The following TBC1D22A variants were observed in gnomAD, a reference collection of about 807,000 sequenced individuals.
The protein encoded by TBC1D22A is TBC1 domain family member 22A.
TBC1D22A carries 38 observed loss-of-function variants against 60.2 expected under a neutral mutation model. That is an observed-to-expected ratio of 0.63 (90% confidence interval 0.49 to 0.83). The LOEUF (loss-of-function observed/expected upper bound fraction) is 0.83, where lower values mean the gene tolerates loss of function less well. Among genes scored for constraint, TBC1D22A ranks in the 40% least tolerant of loss-of-function variants. The probability of loss-of-function intolerance (pLI) is 0.00; values close to 1 mark genes in which losing one functional copy is unlikely to be tolerated. For synonymous variants in TBC1D22A, 302 were observed against 281.7 expected (o/e 1.07, Z -0.72); for missense variants, 628 against 701.0 (o/e 0.90, Z 1.18).
At chr22:46,935,323 A>G (rs1211693746) in intron 8 of TBC1D22A, among the ~76,000 whole-genome samples, 1 of 152,220 alleles carries the variant, frequency 6.6e-6, no homozygotes, top group Non-Finnish European at 1.5e-5. Context: ...TCTAAGTGAT[A>G]TCCTGGAGTA....
At chr22:46,770,522 A>G (rs569523306) in intron 1 of TBC1D22A, among the ~76,000 whole-genome samples, 131 of 152,368 alleles carry the variant, frequency 8.6e-4, no homozygotes, top group Non-Finnish European at 1.1e-3. Flanking sequence ...AGGGAATGGC[A>G]GGTGGCCCAG....
At chr22:46,985,030 CGCCATGAGTTCAGGAGCCTCT>C (rs1366500532) in intron 9 of TBC1D22A, among the ~76,000 whole-genome samples, 37 of 152,178 alleles carry the variant, frequency 2.4e-4, no homozygotes, top group African/African-American at 8.4e-4. Context: ...GGGGAGCCTC[CGCCATGAGTTCAGGAGCCTCT>C]GCCATGAGCT....
intron 8 of TBC1D22A, among the ~76,000 whole-genome samples, chr22:46,930,305 GTGTTATA>G (rs1439297682): frequency 5.3e-5 from 8 of 152,288 alleles, no homozygotes; most frequent in African/African-American, 1.7e-4. Flanking sequence ...TCCAGGCCAA[GTGTTATA>G]TGTGTGTGGT....
chr22:47,080,062 G>A (rs1284953685), intron 11 of TBC1D22A, among the ~76,000 whole-genome samples: 3 of 152,128 alleles, frequency 2.0e-5, no homozygotes, highest in Admixed American at 1.3e-4. Context: ...AATGATAAAA[G>A]ATCTGTTAAC....
Position 46,985,345 on chromosome 22 carries a change from G to T in TBC1D22A, c.1125+10946G>T, listed in dbSNP as rs186402094. ...ACCTGCCCCAGATGCCGGCTCAACT[G>T]TGCCCCTGTGGGGAAGAATCTCAGA... is the stretch of plus-strand genomic sequence containing the variant. On this transcript the variant is annotated intron_variant, in intron 9 of 12. Transcript: ENST00000337137. 2.7e-3 allele frequency among the ~76,000 whole-genome samples: 418 copies of T among 152,274 alleles called. 1 individual carries two copies. Among genetic ancestry groups the T allele is most frequent in the African/African-American group, 9.4e-3 (391 of 41,548 alleles).
intron 8 of TBC1D22A, among the ~76,000 whole-genome samples, chr22:46,927,270 T>C (rs2071102056): frequency 1.3e-5 from 2 of 152,234 alleles, no homozygotes; most frequent in Non-Finnish European, 2.9e-5. Flanking sequence ...AAGTGGAATT[T>C]ATTTGAGGAA....
intron 12 of TBC1D22A, among the ~76,000 whole-genome samples, chr22:47,152,708 C>T (rs764008028): frequency 1.3e-4 from 20 of 152,234 alleles, no homozygotes; most frequent in Admixed American, 1.1e-3. Flanking sequence ...ATTTAACTCT[C>T]GTGATGAGAA....
At chr22:47,099,750 C>G (rs2065334978) in intron 11 of TBC1D22A, among the ~76,000 whole-genome samples, 1 of 152,164 alleles carries the variant, frequency 6.6e-6, no homozygotes, top group African/African-American at 2.4e-5. Flanking sequence ...TGGCCTCGTC[C>G]CTGCTTTCTA....
At chr22:47,036,950 G>A in intron 10 of TBC1D22A, 121 bp from the exon 11 acceptor site, 1 of 1,176,996 alleles carries the variant, frequency 8.5e-7, no homozygotes, top group Non-Finnish European at 1.2e-6. Flanking sequence ...TGTTGCTTGG[G>A]ATTCCCTGTT....
intron 1 of TBC1D22A, among the ~76,000 whole-genome samples, chr22:46,771,022 C>G (rs2083463179): frequency 6.6e-6 from 1 of 152,160 alleles, no homozygotes; most frequent in African/African-American, 2.4e-5. Flanking sequence ...TCAGCGGTTA[C>G]TTTCCATGTT....
chr22:46,847,764 TG>T (rs2087069206), intron 4 of TBC1D22A, among the ~76,000 whole-genome samples: 1 of 152,214 alleles, frequency 6.6e-6, no homozygotes, highest in Non-Finnish European at 1.5e-5. Context: ...CCTCTGTGTT[TG>T]GAGAGGAGTG....
intron 1 of TBC1D22A, among the ~76,000 whole-genome samples, chr22:46,770,108 A>G (rs950339954): frequency 6.6e-6 from 1 of 152,214 alleles, no homozygotes; most frequent in South Asian, 2.1e-4. Flanking sequence ...TGGTGGGCCC[A>G]GTGTAACCTC....
chr22:47,013,043 C>A lies in TBC1D22A; in HGVS notation c.1201+15334C>A, dbSNP rs1392490499. ...CCGGGAGAGGGCTCCCTGCATCTGG[C>A]CCTCCAGCCTCCCGCCCCGTGCGCG... On this transcript the variant is annotated intron_variant, in intron 10 of 12. Coordinates refer to ENST00000337137, the MANE Select transcript of TBC1D22A (RefSeq NM_014346.5). 3.3e-5 allele frequency among the ~76,000 whole-genome samples: 5 copies of A among 152,328 alleles called. No homozygotes were observed. In the South Asian group the frequency reaches 1.0e-3, roughly 32 times the overall value.
At chr22:46,811,420 A>G (rs2085370953) in intron 4 of TBC1D22A, among the ~76,000 whole-genome samples, 1 of 152,092 alleles carries the variant, frequency 6.6e-6, no homozygotes, top group African/African-American at 2.4e-5. Context: ...GAAGGCTGGC[A>G]TTTGTGGGTG....
At chr22:46,836,299 A>G (rs2086516763) in intron 4 of TBC1D22A, among the ~76,000 whole-genome samples, 1 of 152,238 alleles carries the variant, frequency 6.6e-6, no homozygotes, top group African/African-American at 2.4e-5. Flanking sequence ...ATGTAAATTA[A>G]TTATGGTATC....
At chr22:47,048,196 G>A (rs2063092085) in intron 11 of TBC1D22A, among the ~76,000 whole-genome samples, 1 of 152,164 alleles carries the variant, frequency 6.6e-6, no homozygotes, top group Non-Finnish European at 1.5e-5. Flanking sequence ...TGAGAGGTGT[G>A]TGTGGACCCG....
intron 8 of TBC1D22A, among the ~76,000 whole-genome samples, chr22:46,948,906 A>C (rs1226736776): frequency 6.6e-6 from 1 of 152,212 alleles, no homozygotes; most frequent in Non-Finnish European, 1.5e-5. Flanking sequence ...CCTTATGCAG[A>C]CTGAACACTA....
At position 47,028,866 on chromosome 22, in the gene TBC1D22A, C is replaced by T. The variant is rs568995912; in HGVS notation, c.1202-8205C>T. 1.9e-4 allele frequency among the ~76,000 whole-genome samples: 29 copies of T among 152,282 alleles called. No individual in the cohort carries two copies. Among genetic ancestry groups the T allele is most frequent in the African/African-American group, 5.8e-4 (24 of 41,546 alleles). On this transcript the variant is annotated intron_variant, in intron 10 of 12. Transcript: ENST00000337137. This position sits in a 1 kb window ranked among gnomAD's most constrained non-coding sequence, Gnocchi z 4.4. ...TCCCCAAATGTGGGACACCACCGCA[C>T]GATCCTGACACTAACATCCCAGAGT...
rs145831779 is a variant in TBC1D22A at position 47,098,750 on chromosome 22, C to T, written c.1330-12758C>T. On this transcript the variant is annotated intron_variant, in intron 11 of 12. Coordinates refer to ENST00000337137, the MANE Select transcript of TBC1D22A (RefSeq NM_014346.5). ...GGGTCTGGAGGTTCCTCCCTGTTGCCCGTTAACTTTGCTGACAGTCCTGCC... is the reference window on the plus strand; with the variant it reads ...GGGTCTGGAGGTTCCTCCCTGTTGCTCGTTAACTTTGCTGACAGTCCTGCC... Among the ~76,000 whole-genome samples, 270 of 152,328 alleles carry T rather than the reference C, an allele frequency of 1.8e-3. 1 individual carries two copies. The highest frequency in any genetic ancestry group is 6.0e-3 in the African/African-American group (251 of 41,582).
Sources: allele counts gnomAD v4.1 joint callset (sites outside exome capture counted in the v4.1 genomes callset), GRCh38; gene constraint gnomAD v4.1.1; non-coding constraint Gnocchi (gnomAD v3.1); transcripts MANE v1.5; gene names NCBI Gene and HGNC (gene_info 2026-07-23, HGNC 2026-07-21).